LNX2: variants seen among roughly 807,000 people sequenced by gnomAD.
LNX2 encodes ligand of numb-protein X 2, also known as ligand of Numb protein X 2.
In LNX2, 35 loss-of-function variants were observed where a neutral mutation model predicts 66.2. That is an observed-to-expected ratio of 0.53 (90% CI 0.40 to 0.70). The LOEUF is 0.70. LNX2 is among the 30% of genes least tolerant of loss of function. The probability of loss-of-function intolerance (pLI) is 0.00; values close to 1 mark genes in which losing one functional copy is unlikely to be tolerated. For synonymous variants in LNX2, 337 were observed against 315.6 expected (o/e 1.07, Z -0.72); for missense variants, 791 against 850.8 (o/e 0.93, Z 0.87).
In LNX2 at chr13:27,556,388, T is replaced by C. The variant is rs762120922; in HGVS notation, c.1394A>G (p.Gln465Arg). ...HKDLTQCVTC[Q>R]EKHITVKKEP... ...CTTCTTTACAGTAATGTGTTTTTCTTGGCATGTAACACACTGAGTAAGATC... is the reference window on the plus strand; with the variant it reads ...CTTCTTTACAGTAATGTGTTTTTCTCGGCATGTAACACACTGAGTAAGATC... Residue 465 changes from glutamine to arginine, a missense_variant, in exon 7 of 10, where the codon CAA (glutamine) becomes CGA (arginine). Transcript: ENST00000316334. 3.1e-6 allele frequency: 5 copies of C among 1,613,956 alleles called. No homozygotes were observed. Among genetic ancestry groups the C allele is most frequent in the South Asian group, 1.1e-5 (1 of 91,072 alleles).
At position 27,589,845 on chromosome 13, in the gene LNX2, G is replaced by A. The variant is rs180906772; in HGVS notation, c.-100-8042C>T. Among the ~76,000 whole-genome samples, 58 of 152,300 alleles carry A rather than the reference G, an allele frequency of 3.8e-4. No homozygotes were observed. The East Asian group carries it at 4.4e-3, about 12-fold the overall frequency. ...CATCTAGGTGAACCTCTGCCAATAA[G>A]ACCGCTGTGGAAAGAACTTTGCTCC... On this transcript the variant is annotated intron_variant, in intron 1 of 9. Coordinates refer to ENST00000316334, the MANE Select transcript of LNX2 (RefSeq NM_153371.4).
Position 27,562,394 on chromosome 13 carries a change from GA to G in LNX2, c.1224+18del. On this transcript the variant is annotated intron_variant, in intron 5 of 9. Coordinates refer to ENST00000316334, the MANE Select transcript of LNX2 (RefSeq NM_153371.4). ...ATCATTTCGGCCAAGCCTTTGGAATGAAGGCCAAGAGGGTTTACCTGAATAA... is the reference window on the plus strand; with the variant it reads ...ATCATTTCGGCCAAGCCTTTGGAATGAGGCCAAGAGGGTTTACCTGAATAA... 1 of 1,593,464 alleles carries G rather than the reference GA, an allele frequency of 6.3e-7. No individual in the cohort carries two copies. Among genetic ancestry groups the G allele is most frequent in the Non-Finnish European group, 8.5e-7 (1 of 1,170,556 alleles).
At chr13:27,566,620 G>C (rs1252940128) in intron 4 of LNX2, among the ~76,000 whole-genome samples, 2 of 152,138 alleles carry the variant, frequency 1.3e-5, no homozygotes, top group African/African-American at 4.8e-5. Context: ...TAAGGGAGGA[G>C]AGTTGGGAGG....
chr13:27,582,564 A>G (rs6491218), intron 1 of LNX2, among the ~76,000 whole-genome samples: 72,495 of 152,032 alleles, frequency 0.48, 18,419 homozygotes, highest in African/African-American at 0.66. Flanking sequence ...TTGATTTTAC[A>G]CATTTACAGT....
chr13:27,574,137 A>T (rs1024287896), intron 2 of LNX2, among the ~76,000 whole-genome samples: 1 of 152,232 alleles, frequency 6.6e-6, no homozygotes, highest in Non-Finnish European at 1.5e-5. Flanking sequence ...AACCAAACAG[A>T]AATTCTGGGG....
chr13:27,609,610 A>G (rs931692333), intron 1 of LNX2, among the ~76,000 whole-genome samples: 1 of 152,240 alleles, frequency 6.6e-6, no homozygotes, highest in Non-Finnish European at 1.5e-5. Context: ...AAAGACTAAA[A>G]TCATGCAGAG....
chr13:27,553,523 A>G (rs949015395), intron 7 of LNX2, 84 bp from the exon 8 acceptor site: 1 of 975,832 alleles, frequency 1.0e-6, no homozygotes, highest in Non-Finnish European at 1.6e-6. Flanking sequence ...CTAAGCAACA[A>G]AAGTTAGTTC....
chr13:27,575,898 TAACAC>T (rs1220242727), intron 2 of LNX2, among the ~76,000 whole-genome samples: 1 of 152,088 alleles, frequency 6.6e-6, no homozygotes, highest in Non-Finnish European at 1.5e-5. Flanking sequence ...TAAAAATATT[TAACAC>T]AAATGGAAGA....
chr13:27,560,823 G>A (rs1225838150), intron 5 of LNX2, among the ~76,000 whole-genome samples: 5 of 152,036 alleles, frequency 3.3e-5, no homozygotes, highest in African/African-American at 1.2e-4. Context: ...GGGAAAATAT[G>A]ATAGCCTGCT....
chr13:27,618,859 C>A (rs193135800), intron 1 of LNX2, among the ~76,000 whole-genome samples: 1 of 152,282 alleles, frequency 6.6e-6, no homozygotes, highest in East Asian at 1.9e-4. Context: ...TGTACGAAAT[C>A]CCAAACCAAT....
chr13:27,563,016 G>C (rs1019873244), intron 4 of LNX2, among the ~76,000 whole-genome samples: 3 of 151,386 alleles, frequency 2.0e-5, no homozygotes, highest in African/African-American at 7.4e-5. Context: ...TAGGATCACG[G>C]GCTTTAATGA....
At chr13:27,588,404 C>T (rs781081007) in intron 1 of LNX2, among the ~76,000 whole-genome samples, 18 of 152,066 alleles carry the variant, frequency 1.2e-4, no homozygotes, top group Non-Finnish European at 1.3e-4. Context: ...AGATTATGAG[C>T]GAAAAAAGCC....
intron 1 of LNX2, among the ~76,000 whole-genome samples, chr13:27,617,603 T>C (rs1021228758): frequency 2.0e-5 from 3 of 152,238 alleles, no homozygotes; most frequent in African/African-American, 4.8e-5. Context: ...TAATATTCAA[T>C]GTCAACACTT....
chr13:27,588,741 CCAAA>C (rs1405937966), intron 1 of LNX2, among the ~76,000 whole-genome samples: 1 of 151,942 alleles, frequency 6.6e-6, no homozygotes, highest in East Asian at 1.9e-4. Context: ...ACTGAAGCTC[CCAAA>C]CAGCTTTTAT....
chr13:27,605,114 C>T (rs1322964125), intron 1 of LNX2, among the ~76,000 whole-genome samples: 4 of 152,136 alleles, frequency 2.6e-5, no homozygotes, highest in African/African-American at 9.7e-5. Context: ...CTTTAACCCC[C>T]TTACCCTTCC....
chr13:27,616,450 G>A (rs759268735), intron 1 of LNX2, among the ~76,000 whole-genome samples: 7 of 152,072 alleles, frequency 4.6e-5, no homozygotes, highest in East Asian at 1.9e-4. Context: ...AGTCATGTCC[G>A]ACCTCCACTT....
At chr13:27,581,274 C>T (rs1566123718) in intron 2 of LNX2, 23 bp downstream of exon 2, 2 of 1,454,682 alleles carry the variant, frequency 1.4e-6, no homozygotes, top group Non-Finnish European at 1.8e-6. Context: ...TCTGGAGTTA[C>T]TTCTTTTATA....
intron 4 of LNX2, among the ~76,000 whole-genome samples, chr13:27,566,639 T>G (rs1955209030): frequency 6.6e-6 from 1 of 152,074 alleles, no homozygotes; most frequent in Admixed American, 6.5e-5. Context: ...GGCAGAAGTA[T>G]ATGATGGGGT....
intron 2 of LNX2, among the ~76,000 whole-genome samples, chr13:27,570,992 G>A (rs746804894): frequency 4.6e-4 from 70 of 152,166 alleles, no homozygotes; most frequent in Non-Finnish European, 6.0e-4. Context: ...GAGAGGTAAA[G>A]TAACAAGTAT....
Sources: allele counts gnomAD v4.1 joint callset (sites outside exome capture counted in the v4.1 genomes callset), GRCh38; gene constraint gnomAD v4.1.1; transcripts MANE v1.5; gene names NCBI Gene and HGNC (gene_info 2026-07-23, HGNC 2026-07-21).